Variants in AGTPBP1 observed in about 807,000 individuals in gnomAD.
AGTPBP1 encodes the protein cytosolic carboxypeptidase 1.
Under a neutral mutation model 143.9 loss-of-function variants are expected in AGTPBP1, and 70 were observed. The ratio of observed to expected loss-of-function variants is 0.49; its 90% CI spans 0.40 to 0.59. The LOEUF (loss-of-function observed/expected upper bound fraction) is 0.59, where lower values mean the gene tolerates loss of function less well. AGTPBP1 is among the 20% of genes least tolerant of loss of function. AGTPBP1 has a pLI of 0.00. For missense variants in AGTPBP1, 1,229 were observed against 1,464.5 expected (o/e 0.84, Z 2.62); for synonymous variants, 463 against 500.2 (o/e 0.93, Z 0.99).
the AGTPBP1 span, among the ~76,000 whole-genome samples, chr9:85,780,025 A>T: frequency 1.3e-5 from 2 of 152,196 alleles, no homozygotes; most frequent in Non-Finnish European, 2.9e-5. Flanking sequence ...AATTTTAAGT[A>T]TTTTTTAAAA....
At chr9:85,796,459 T>G in the AGTPBP1 span, among the ~76,000 whole-genome samples, 1 of 152,168 alleles carries the variant, frequency 6.6e-6, no homozygotes, top group East Asian at 1.9e-4. Context: ...CGATGGTAAC[T>G]GCCTTCTTTT....
chr9:85,761,970 A>G, the AGTPBP1 span, among the ~76,000 whole-genome samples: 3 of 152,382 alleles, frequency 2.0e-5, no homozygotes, highest in Admixed American at 6.5e-5. Context: ...GGATATGAAC[A>G]GAAGCTTCTC....
At chr9:85,655,024 G>T in intron 11 of AGTPBP1, 119 bp downstream of exon 11, 1 of 868,844 alleles carries the variant, frequency 1.2e-6, no homozygotes, top group Non-Finnish European at 1.7e-6. Context: ...AAATGTGAAT[G>T]TTTATCACGT....
chr9:85,770,368 T>C, the AGTPBP1 span: 14 of 1,606,268 alleles, frequency 8.7e-6, no homozygotes, highest in South Asian at 9.9e-5. Context: ...TATCCAGAAT[T>C]GCCAGAAGTC....
At chr9:85,756,187 TAAG>T in the AGTPBP1 span, 1 of 1,611,072 alleles carries the variant, frequency 6.2e-7, no homozygotes, top group Non-Finnish European at 8.5e-7. Flanking sequence ...CCATAGTTTC[TAAG>T]AAGGAGGCTC....
chr9:85,733,239 G>A (rs1261654024), intron 1 of AGTPBP1, among the ~76,000 whole-genome samples: 1 of 152,156 alleles, frequency 6.6e-6, no homozygotes, highest in East Asian at 1.9e-4. Context: ...TACAAATTAA[G>A]TCTCAATTGC....
chr9:85,588,689 A>G, intron 20 of AGTPBP1, among the ~76,000 whole-genome samples: 1 of 152,180 alleles, frequency 6.6e-6, no homozygotes, highest in Non-Finnish European at 1.5e-5. Flanking sequence ...AGCTCATAAT[A>G]GGACATAAAA....
intron 2 of AGTPBP1, among the ~76,000 whole-genome samples, chr9:85,693,042 C>T (rs1835983501): frequency 6.6e-6 from 1 of 152,218 alleles, no homozygotes. Context: ...CCACAAATCA[C>T]AAATATCCCT....
rs1407143381 is a variant in AGTPBP1, at chr9:85,621,295, T to C, written c.2016-10A>G. The C allele has an allele frequency of 1.4e-6, 2 of 1,401,198 alleles. No individual in the cohort carries two copies. Among genetic ancestry groups the C allele is most frequent in the South Asian group, 1.8e-5 (1 of 55,056 alleles). 86.8% of individuals were successfully genotyped at this position (1,401,198 alleles called of 1,614,324 possible). On this transcript the variant is annotated splice_polypyrimidine_tract_variant and intron_variant, in intron 14 of 25. Transcript: ENST00000357081. Reference sequence around the variant, plus strand: ...TTGAGCAATTTTTGTCCTGAAATCATAAAGGTTTAACCAAAATATATTATT... The same window carrying C: ...TTGAGCAATTTTTGTCCTGAAATCACAAAGGTTTAACCAAAATATATTATT...
rs1047326156 is a variant in AGTPBP1 at position 85,565,438 on chromosome 9, TA to T, written c.3503+9876del. Among the ~76,000 whole-genome samples, 4 of 150,636 alleles carry T rather than the reference TA, an allele frequency of 2.7e-5. No homozygotes were observed. The South Asian group carries it at 8.4e-4, about 32-fold the overall frequency. ...AAAATTATGAAAGGGTGAACTCAAC[TA>T]AAAAAAAAGTTAGGGGAATTTATAT... On this transcript the variant is annotated intron_variant, in intron 25 of 25. Transcript: ENST00000357081.
intron 1 of AGTPBP1, among the ~76,000 whole-genome samples, chr9:85,715,924 C>T (rs1481383300): frequency 6.6e-6 from 1 of 152,206 alleles, no homozygotes; most frequent in Non-Finnish European, 1.5e-5. Flanking sequence ...CTCCTCTTTC[C>T]TCTTTACTGA....
At chr9:85,735,575 A>T (rs973005544) in intron 1 of AGTPBP1, among the ~76,000 whole-genome samples, 82 of 152,282 alleles carry the variant, frequency 5.4e-4, no homozygotes, top group African/African-American at 1.9e-3. Flanking sequence ...TAAAATAAAT[A>T]TTTTTTTAAA....
At chr9:85,627,253 TG>T (rs1476284719) in intron 14 of AGTPBP1, among the ~76,000 whole-genome samples, 17 of 152,156 alleles carry the variant, frequency 1.1e-4, no homozygotes, top group Admixed American at 1.1e-3. Flanking sequence ...GTTATTTATG[TG>T]CGCGCACACA....
the AGTPBP1 span, among the ~76,000 whole-genome samples, chr9:85,803,167 C>T: frequency 1.3e-5 from 2 of 152,180 alleles, no homozygotes; most frequent in Admixed American, 1.3e-4. Context: ...GGATGGATCC[C>T]TAGACTAACC....
At chr9:85,577,882 T>A (rs62566889) in intron 24 of AGTPBP1, among the ~76,000 whole-genome samples, 2,566 of 152,326 alleles carry the variant, frequency 0.017, 31 homozygotes, top group Middle Eastern at 0.054. Flanking sequence ...ATATTTCATA[T>A]CAACTATAAT....
chr9:85,641,249 ACTT>A (rs1236434055), intron 13 of AGTPBP1, among the ~76,000 whole-genome samples: 1 of 152,216 alleles, frequency 6.6e-6, no homozygotes, highest in Non-Finnish European at 1.5e-5. Flanking sequence ...GAAACAGGTG[ACTT>A]CTTCACACAA....
intron 1 of AGTPBP1, among the ~76,000 whole-genome samples, chr9:85,726,153 C>G (rs1838473032): frequency 1.4e-5 from 2 of 148,078 alleles, no homozygotes; most frequent in Admixed American, 1.4e-4. Context: ...TCGCTTGAGC[C>G]TGGAAGATTG....
chr9:85,664,780 TAAG>T (rs1834035671), intron 8 of AGTPBP1, among the ~76,000 whole-genome samples: 1 of 152,192 alleles, frequency 6.6e-6, no homozygotes. Flanking sequence ...TTAATCATGT[TAAG>T]AAGGTCTCAA....
intron 14 of AGTPBP1, among the ~76,000 whole-genome samples, chr9:85,628,836 T>C (rs922837802): frequency 1.3e-5 from 2 of 151,994 alleles, no homozygotes; most frequent in African/African-American, 4.8e-5. Context: ...GGACTATAGG[T>C]GCCCGAGTAA....
Sources: allele counts gnomAD v4.1 joint callset (sites outside exome capture counted in the v4.1 genomes callset), GRCh38; gene constraint gnomAD v4.1.1; transcripts MANE v1.5; gene names NCBI Gene and HGNC (gene_info 2026-07-23, HGNC 2026-07-21).